Variants in PAPPA2 observed in about 807,000 individuals in gnomAD.
PAPPA2 encodes the protein pappalysin 2, also known as pappalysin-2.
In PAPPA2, 86 loss-of-function variants were observed where a neutral mutation model predicts 176.4. The ratio of observed to expected loss-of-function variants is 0.49; its 90% CI spans 0.41 to 0.58. The LOEUF is 0.58. PAPPA2 is among the 20% of genes least tolerant of loss of function. The pLI is 0.00. For synonymous variants in PAPPA2, 809 were observed against 852.2 expected, an observed-to-expected ratio of 0.95 and a Z score of 0.88; for missense variants, 2,073 against 2,256.9, an observed-to-expected ratio of 0.92 and a Z score of 1.65.
chr1:176,564,841 CTCAATTATCTCAA>C (rs1265982593), intron 2 of PAPPA2, among the ~76,000 whole-genome samples: 3 of 149,898 alleles, frequency 2.0e-5, no homozygotes, highest in East Asian at 3.9e-4. Context: ...AACCTATTAT[CTCAATTATCTCAA>C]TCAATTATCT....
chr1:176,650,020 A>G (rs1056281585), intron 3 of PAPPA2, among the ~76,000 whole-genome samples: 1 of 151,560 alleles, frequency 6.6e-6, no homozygotes, highest in Non-Finnish European at 1.5e-5. Flanking sequence ...CTATTATTGT[A>G]TTGCAGTCTT....
In PAPPA2 at chr1:176,805,061, C is replaced by CCCTT. The variant is rs61431554; in HGVS notation, c.5202+4958_5202+4961dup. The stretch of plus-strand genomic sequence containing the variant: ...CAGATAATAGATTACCTTCTTCCTT[C>CCCTT]CCTTCCTTCCTTCCTTCCTTCCTTC... On this transcript the variant is annotated intron_variant, in intron 21 of 22. Transcript: ENST00000367662. 9.1e-3 allele frequency among the ~76,000 whole-genome samples: 1,343 copies of CCCTT among 147,054 alleles called. 13 individuals carry two copies. The highest frequency in any genetic ancestry group is 0.012 in the Non-Finnish European group (814 of 66,078).
intron 17 of PAPPA2, among the ~76,000 whole-genome samples, chr1:176,783,961 G>C (rs536866636): frequency 2.6e-5 from 4 of 152,304 alleles, no homozygotes; most frequent in African/African-American, 9.6e-5. Flanking sequence ...ACATAATTCT[G>C]ATGGGATTGG....
At chr1:176,799,554 C>T (rs1384801890) in intron 20 of PAPPA2, among the ~76,000 whole-genome samples, 2 of 152,156 alleles carry the variant, frequency 1.3e-5, no homozygotes, top group Admixed American at 6.5e-5. Context: ...CACCTCCAGT[C>T]CTGGTGTGGG....
intron 3 of PAPPA2, among the ~76,000 whole-genome samples, chr1:176,657,436 A>G: frequency 6.6e-6 from 1 of 151,986 alleles, no homozygotes; most frequent in East Asian, 1.9e-4. Flanking sequence ...CAGAGAAGGA[A>G]CATGATTAGA....
At chr1:176,610,264 A>T (rs1011186905) in intron 3 of PAPPA2, among the ~76,000 whole-genome samples, 3 of 151,302 alleles carry the variant, frequency 2.0e-5, no homozygotes, top group Non-Finnish European at 4.4e-5. Flanking sequence ...CATTCCTAGG[A>T]ATATCTATGT....
intron 3 of PAPPA2, among the ~76,000 whole-genome samples, chr1:176,623,758 C>CTTTTCTTTCTTT (rs1553376002): frequency 1.7e-5 from 1 of 59,042 alleles, no homozygotes; most frequent in East Asian, 4.1e-4. Flanking sequence ...TTCCTTCCTT[C>CTTTTCTTTCTTT]CTTTCTTTCT....
chr1:176,709,462 G>A (rs561812517), intron 10 of PAPPA2, among the ~76,000 whole-genome samples: 3 of 152,250 alleles, frequency 2.0e-5, no homozygotes, highest in Non-Finnish European at 2.9e-5. Context: ...ATATTCTCCA[G>A]TGTAATAGCA....
chr1:176,591,503 C>T (rs965996153), intron 2 of PAPPA2, among the ~76,000 whole-genome samples: 1 of 152,106 alleles, frequency 6.6e-6, no homozygotes, highest in African/African-American at 2.4e-5. Context: ...CAATAGTAAG[C>T]GTATTCCATT....
At chr1:176,823,105 T>C (rs1268908179) in intron 21 of PAPPA2, among the ~76,000 whole-genome samples, 1 of 152,236 alleles carries the variant, frequency 6.6e-6, no homozygotes, top group African/African-American at 2.4e-5. Flanking sequence ...ACCACATAAA[T>C]GAAGAACATA....
chr1:176,543,339 C>A (rs1558426163), intron 1 of PAPPA2, among the ~76,000 whole-genome samples: 1 of 152,192 alleles, frequency 6.6e-6, no homozygotes, highest in Non-Finnish European at 1.5e-5. Context: ...TGTACACAAG[C>A]ACTAGACTCT....
intron 3 of PAPPA2, among the ~76,000 whole-genome samples, chr1:176,661,301 T>C (rs982299712): frequency 8.5e-5 from 13 of 152,064 alleles, no homozygotes; most frequent in East Asian, 1.9e-4. Flanking sequence ...AGGAATTGAG[T>C]TGCCTCCAAA....
At chr1:176,698,691 A>T (rs1210461347) in intron 7 of PAPPA2, among the ~76,000 whole-genome samples, 1 of 152,230 alleles carries the variant, frequency 6.6e-6, no homozygotes, top group Non-Finnish European at 1.5e-5. Context: ...CCCTACAAAG[A>T]TTGCAGTGAC....
intron 2 of PAPPA2, among the ~76,000 whole-genome samples, chr1:176,563,193 G>A (rs1185263700): frequency 6.6e-6 from 1 of 152,172 alleles, no homozygotes; most frequent in Non-Finnish European, 1.5e-5. Flanking sequence ...ATAAAAGGGT[G>A]GAGGGAACTT....
chr1:176,763,942 T>C (rs1166903006), intron 14 of PAPPA2, among the ~76,000 whole-genome samples: 1 of 152,198 alleles, frequency 6.6e-6, no homozygotes, highest in Non-Finnish European at 1.5e-5. Flanking sequence ...CATGGTTCTA[T>C]AGTCTGGGAA....
chr1:176,571,621 G>C lies in PAPPA2; in HGVS notation c.919+14380G>C, dbSNP rs541087019. On this transcript the variant is annotated intron_variant, in intron 2 of 22. Coordinates refer to ENST00000367662, the MANE Select transcript of PAPPA2 (RefSeq NM_020318.3). ...CTGGCTCATGTTCCTCAGTCCCAAGGCCTTCTTTACCCATTCTAGTCCGTG... is the reference window on the plus strand; with the variant it reads ...CTGGCTCATGTTCCTCAGTCCCAAGCCCTTCTTTACCCATTCTAGTCCGTG... 2.8e-4 allele frequency among the ~76,000 whole-genome samples: 43 copies of C among 152,216 alleles called. 1 individual carries two copies. In the South Asian group the frequency reaches 8.7e-3, roughly 31 times the overall value.
At chr1:176,659,476 G>A (rs565335273) in intron 3 of PAPPA2, among the ~76,000 whole-genome samples, 2 of 152,104 alleles carry the variant, frequency 1.3e-5, no homozygotes, top group South Asian at 4.1e-4. Context: ...CCACTCTAAT[G>A]ACTTCATCTT....
intron 14 of PAPPA2, among the ~76,000 whole-genome samples, chr1:176,754,453 A>G (rs1486423023): frequency 6.6e-6 from 1 of 152,262 alleles, no homozygotes; most frequent in Non-Finnish European, 1.5e-5. Flanking sequence ...GTCTTTACCA[A>G]CTATTTATAC....
intron 21 of PAPPA2, among the ~76,000 whole-genome samples, chr1:176,819,620 C>T (rs1666574031): frequency 6.6e-6 from 1 of 152,174 alleles, no homozygotes; most frequent in Admixed American, 6.5e-5. Flanking sequence ...ATGCTACACA[C>T]ATATGGGATT....
Sources: gnomAD v4.1 joint callset for allele counts (sites outside exome capture counted in the v4.1 genomes callset) on GRCh38, gnomAD v4.1.1 for gene constraint, MANE v1.5 for transcripts, NCBI Gene and HGNC (gene_info 2026-07-23, HGNC 2026-07-21) for gene names.